COL18A1: variants seen among roughly 807,000 people sequenced by gnomAD.
The protein encoded by COL18A1 is collagen alpha-1(XVIII) chain.
Under a neutral mutation model 168.0 loss-of-function variants are expected in COL18A1, and 133 were observed. The ratio of observed to expected loss-of-function variants is 0.79; its 90% CI spans 0.69 to 0.91. COL18A1 has a LOEUF of 0.91. COL18A1 is among the 40% of genes least tolerant of loss of function. The pLI is 0.00. For synonymous variants in COL18A1, 949 were observed against 809.0 expected (o/e 1.17, Z -2.94); for missense variants, 2,126 against 1,925.4 (o/e 1.10, Z -1.95).
At position 45,512,375 on chromosome 21, in the gene COL18A1, A is replaced by C; in HGVS notation, c.3997A>C (p.Ser1333Arg). 3 of 1,612,714 alleles carry C rather than the reference A, an allele frequency of 1.9e-6. No individual in the cohort carries two copies. Among genetic ancestry groups the C allele is most frequent in the Non-Finnish European group, 2.5e-6 (3 of 1,179,808 alleles). The change falls in exon 42 of 42, where the codon AGC (serine) becomes CGC (arginine). Residue 1333 changes from serine (S) to arginine (R), a missense_variant. Ser to Arg is a moderately radical substitution (Grantham distance 110, BLOSUM62 -1). Transcript: ENST00000651438. ...CTACATCGTGCTCTGCATTGAGAAC[A>C]GCTTCATGACTGCCTCCAAGTAGCC... ...HAYIVLCIENSFMTASK is the reference protein window; with the variant it reads ...HAYIVLCIENRFMTASK
chr21:45,441,238 C>T (rs962095660), intron 2 of COL18A1, among the ~76,000 whole-genome samples: 2 of 152,206 alleles, frequency 1.3e-5, no homozygotes, highest in Non-Finnish European at 2.9e-5. Flanking sequence ...GGTCCCTCAC[C>T]TCTACTTCTG....
intron 11 of COL18A1, 82 bp downstream of exon 11, chr21:45,480,238 C>T (rs2035845151): frequency 5.3e-6 from 6 of 1,136,804 alleles, no homozygotes; most frequent in Non-Finnish European, 6.5e-6. Context: ...GAAGTATCAG[C>T]TCCACCCTCA....
intron 2 of COL18A1, among the ~76,000 whole-genome samples, chr21:45,460,721 C>CTG (rs145078913): frequency 0.028 from 4,288 of 152,294 alleles, 211 homozygotes; most frequent in African/African-American, 0.097. Flanking sequence ...GAAGACCACT[C>CTG]TGGGAAATAA....
rs1345910765 is a variant in COL18A1, at chr21:45,509,556, A to T, written c.3450A>T (p.Arg1150=). 3 of 1,533,714 alleles carry T rather than the reference A, an allele frequency of 2.0e-6. No individual in the cohort carries two copies. The highest frequency in any genetic ancestry group is 2.6e-6 in the Non-Finnish European group (3 of 1,143,484). The change falls in exon 39 of 42, where the codon CGA becomes CGT. Residue 1150 remains arginine (R), a synonymous_variant. Coordinates refer to ENST00000651438, the MANE Select transcript of COL18A1 (RefSeq NM_001379500.1). The stretch of plus-strand genomic sequence containing the variant: ...CCTACGTGCACCTGCGGCCGGCGCG[A>T]CCCACAAGCCCACCCGCCCACAGCC... The part of the protein sequence containing the change: ...HSSYVHLRPA[R]PTSPPAHSHR...
chr21:45,440,880 T>G lies in COL18A1; in HGVS notation c.107-27362T>G, dbSNP rs551138887. On this transcript the variant is annotated intron_variant, in intron 2 of 41. Transcript: ENST00000651438. ...GGGTGAGGTTTCCCAGCACCCTGGG[T>G]GATCTGAACTTGGGAGCAGGGCTGG... 2.0e-3 allele frequency among the ~76,000 whole-genome samples: 306 copies of G among 152,236 alleles called. 3 individuals are homozygous for G. The highest frequency in any genetic ancestry group is 1.7e-3 in the Non-Finnish European group (114 of 67,996).
At position 45,471,607 on chromosome 21, in the gene COL18A1, G is replaced by C. The variant is rs186999954; in HGVS notation, c.652-2288G>C. ...GTGTTCCTCGTCCTAAGAGTCCTTG[G>C]GCGTTGTTGGTCTTTTCAGGTTCAC... On this transcript the variant is annotated intron_variant, in intron 3 of 41. Coordinates refer to ENST00000651438, the MANE Select transcript of COL18A1 (RefSeq NM_001379500.1). This position sits in a 1 kb window ranked among gnomAD's most constrained non-coding sequence, Gnocchi z 4.4. 1.3e-5 allele frequency among the ~76,000 whole-genome samples: 2 copies of C among 152,136 alleles called. No homozygotes were observed. Among genetic ancestry groups the C allele is most frequent in the Non-Finnish European group, 2.9e-5 (2 of 68,034 alleles).
At chr21:45,452,436 ATG>A (rs74625389) in intron 2 of COL18A1, among the ~76,000 whole-genome samples, 2,320 of 152,144 alleles carry the variant, frequency 0.015, 53 homozygotes, top group East Asian at 0.085. Context: ...TTGTGTATGC[ATG>A]TGAGTACTCA....
chr21:45,486,658 C>T (rs1460408145), intron 15 of COL18A1, among the ~76,000 whole-genome samples: 1 of 152,246 alleles, frequency 6.6e-6, no homozygotes, highest in Non-Finnish European at 1.5e-5. Context: ...TGGCTCTCTC[C>T]TCAGTTGTGT....
At chr21:45,503,988 C>G in intron 32 of COL18A1, 23 bp from the exon 33 acceptor site, 1 of 1,613,366 alleles carries the variant, frequency 6.2e-7, no homozygotes, top group Non-Finnish European at 8.5e-7. Flanking sequence ...CTCAGCGAGA[C>G]CCCGCCTGTC....
chr21:45,510,363 C>A, intron 40 of COL18A1, 102 bp downstream of exon 40: 1 of 1,307,158 alleles, frequency 7.7e-7, no homozygotes, highest in African/African-American at 1.5e-5. Context: ...CTGGAGGCCA[C>A]CATGTTACAG....
Position 45,512,706 on chromosome 21 carries a change from C to T in COL18A1, c.*308C>T. 2.2e-6 allele frequency: 1 copy of T among 448,482 alleles called. No individual in the cohort carries two copies. Among genetic ancestry groups the T allele is most frequent in the African/African-American group, 2.0e-5 (1 of 50,466 alleles). 27.8% of individuals were successfully genotyped at this position (448,482 alleles called of 1,614,324 possible). The stretch of plus-strand genomic sequence containing the variant: ...ACCTCTTGGCCTGATCAGACCACGG[C>T]TCGATTTCTCCAGGATTTCCTGCTT... On this transcript the variant is annotated 3_prime_UTR_variant, in exon 42 of 42. Coordinates refer to ENST00000651438, the MANE Select transcript of COL18A1 (RefSeq NM_001379500.1).
At chr21:45,494,760 G>A (rs1307964118) in intron 27 of COL18A1, 102 bp from the exon 28 acceptor site, 1 of 1,288,954 alleles carries the variant, frequency 7.8e-7, no homozygotes, top group Non-Finnish European at 1.1e-6. Flanking sequence ...GGTGGCCCAG[G>A]GTGCTGTGCT....
chr21:45,480,452 G>T lies in COL18A1; in HGVS notation c.1399-15G>T, dbSNP rs1327932285. On this transcript the variant is annotated splice_polypyrimidine_tract_variant and intron_variant, in intron 11 of 41. Coordinates refer to ENST00000651438, the MANE Select transcript of COL18A1 (RefSeq NM_001379500.1). ...CGAGCTCAGGGCAACGTGTCTCTCC[G>T]GCTCTTTTCCTCAGACCTTCATTGA... 2 of 1,614,112 alleles carry T rather than the reference G, an allele frequency of 1.2e-6. No homozygotes were observed. Among genetic ancestry groups the T allele is most frequent in the Middle Eastern group, 1.6e-4 (1 of 6,062 alleles).
Position 45,489,589 on chromosome 21 carries a change from C to T in COL18A1, c.1959+68C>T, listed in dbSNP as rs375572725. The T allele has an allele frequency of 1.4e-3, 1,542 of 1,073,928 alleles. 6 individuals are homozygous for T. The highest frequency in any genetic ancestry group is 7.3e-3 in the South Asian group (483 of 66,164). The allele number at this position is 1,073,928 out of a possible 1,614,324, so 66.5% of individuals were successfully genotyped here. On this transcript the variant is annotated intron_variant, in intron 19 of 41. Transcript: ENST00000651438. ...CAGGGAGGGCCCAGCCGGACACCTG[C>T]GGAGATCAGCTCGGGGCGGCCTTCC...
chr21:45,486,263 G>C (rs1288757951), intron 15 of COL18A1, among the ~76,000 whole-genome samples: 25 of 133,972 alleles, frequency 1.9e-4, no homozygotes, highest in African/African-American at 3.8e-4. Flanking sequence ...CCCCTTGCCT[G>C]CCGGGGAGCC....
At chr21:45,449,193 C>T (rs1045154680) in intron 2 of COL18A1, among the ~76,000 whole-genome samples, 3 of 152,236 alleles carry the variant, frequency 2.0e-5, no homozygotes, top group Non-Finnish European at 2.9e-5. Context: ...AGGGTGGGCC[C>T]TGGGGCTGCG....
intron 26 of COL18A1, chr21:45,494,262 T>TCCACCCC (rs1568926269): frequency 1.9e-5 from 8 of 417,712 alleles, no homozygotes; most frequent in South Asian, 6.5e-5. Flanking sequence ...CCCTCCACCC[T>TCCACCCC]CCACCCCTGC....
At chr21:45,495,732 C>T in intron 29 of COL18A1, 1 of 407,936 alleles carries the variant, frequency 2.5e-6, no homozygotes, top group South Asian at 2.1e-5. Context: ...ACACACACAT[C>T]CACACGTGCT....
chr21:45,452,609 G>T (rs1287356077), intron 2 of COL18A1, among the ~76,000 whole-genome samples: 1 of 150,830 alleles, frequency 6.6e-6, no homozygotes, highest in East Asian at 2.0e-4. Flanking sequence ...GTGTATGCAT[G>T]TGAGCATTTG....
Sources: allele counts gnomAD v4.1 joint callset (sites outside exome capture counted in the v4.1 genomes callset), GRCh38; gene constraint gnomAD v4.1.1; non-coding constraint Gnocchi (gnomAD v3.1); transcripts MANE v1.5; gene names NCBI Gene and HGNC (gene_info 2026-07-23, HGNC 2026-07-21).